The following DDAH1 variants were observed in gnomAD, a reference collection of about 807,000 sequenced individuals.
DDAH1 encodes N(G),N(G)-dimethylarginine dimethylaminohydrolase 1.
Under a neutral mutation model 28.8 loss-of-function variants are expected in DDAH1, and 19 were observed. That is an observed-to-expected ratio of 0.66 (90% CI 0.46 to 0.97). The LOEUF (loss-of-function observed/expected upper bound fraction) is 0.97. Ranked by LOEUF, DDAH1 falls within the 50% of genes least tolerant of loss-of-function variation. The probability of loss-of-function intolerance (pLI) is 0.00; values close to 1 mark genes in which losing one functional copy is unlikely to be tolerated. For missense variants in DDAH1, 326 were observed against 375.9 expected (o/e 0.87, Z 1.10); for synonymous variants, 153 against 154.4 (o/e 0.99, Z 0.07).
chr1:85,535,957 G>C (rs1280981269), intron 1 of DDAH1, among the ~76,000 whole-genome samples: 2 of 152,206 alleles, frequency 1.3e-5, no homozygotes, highest in African/African-American at 4.8e-5. Flanking sequence ...AATCATCAGG[G>C]AAGTCCAAAT....
chr1:85,327,465 C>T (rs1647479317), intron 4 of DDAH1, among the ~76,000 whole-genome samples: 1 of 152,186 alleles, frequency 6.6e-6, no homozygotes, highest in African/African-American at 2.4e-5. Flanking sequence ...CCTAGATCCC[C>T]TAGAGAGATA....
intron 1 of DDAH1, among the ~76,000 whole-genome samples, chr1:85,403,072 G>A (rs1344073134): frequency 6.6e-6 from 1 of 151,974 alleles, no homozygotes; most frequent in Non-Finnish European, 1.5e-5. Context: ...GCTGTGGACT[G>A]GGACTGTCCC....
At chr1:85,538,202 CA>C (rs1229959444) in intron 1 of DDAH1, among the ~76,000 whole-genome samples, 1 of 152,194 alleles carries the variant, frequency 6.6e-6, no homozygotes, top group Non-Finnish European at 1.5e-5. Flanking sequence ...ATAAGTTATG[CA>C]GGAACTTTCT....
chr1:85,370,966 G>T (rs1456736426), intron 1 of DDAH1, among the ~76,000 whole-genome samples: 1 of 152,156 alleles, frequency 6.6e-6, no homozygotes, highest in African/African-American at 2.4e-5. Flanking sequence ...AAATCTAAGA[G>T]ATATCAGAAG....
rs1008161288 is a variant in DDAH1, at chr1:85,402,727, G to A, written c.304-43880C>T. Among the ~76,000 whole-genome samples the A allele has an allele frequency of 6.4e-4, 97 of 152,030 alleles. 2 individuals carry two copies. Among genetic ancestry groups the A allele is most frequent in the Admixed American group, 6.4e-3 (97 of 15,258 alleles). On this transcript the variant is annotated intron_variant, in intron 1 of 5. Transcript: ENST00000284031. ...GATCGAGATGATCCTGGCCAACATG[G>A]TGAAACCCCGTCTCTACTAAAAATA...
intron 2 of DDAH1, among the ~76,000 whole-genome samples, chr1:85,354,995 G>A (rs1570422543): frequency 6.6e-6 from 1 of 151,926 alleles, no homozygotes; most frequent in African/African-American, 2.4e-5. Flanking sequence ...TGGTCCTTAG[G>A]AAAGATTAAT....
chr1:85,363,365 G>A (rs957590066), intron 1 of DDAH1, among the ~76,000 whole-genome samples: 8 of 152,216 alleles, frequency 5.3e-5, no homozygotes, highest in African/African-American at 1.9e-4. Flanking sequence ...GTTCTGCCAT[G>A]TGCTAGAAGC....
chr1:85,471,216 T>C (rs1170455194), intron 2 of DDAH1, among the ~76,000 whole-genome samples: 1 of 152,222 alleles, frequency 6.6e-6, no homozygotes, highest in East Asian at 1.9e-4. Context: ...TAGCTTCTGC[T>C]GGCGGCCCCT....
upstream of DDAH1, among the ~76,000 whole-genome samples, chr1:85,469,537 A>AATAG (rs536072711): frequency 3.3e-3 from 508 of 152,384 alleles, 1 homozygote; most frequent in African/African-American, 0.012. Flanking sequence ...ACTAGAGCCT[A>AATAG]ATAGATGCTC....
intron 1 of DDAH1, among the ~76,000 whole-genome samples, chr1:85,382,551 T>C (rs1651046811): frequency 6.6e-6 from 1 of 152,198 alleles, no homozygotes; most frequent in Non-Finnish European, 1.5e-5. Context: ...ACACACAGCA[T>C]TGTATGTTAT....
chr1:85,550,929 C>G (rs1344567981), intron 1 of DDAH1, among the ~76,000 whole-genome samples: 1 of 152,162 alleles, frequency 6.6e-6, no homozygotes, highest in Non-Finnish European at 1.5e-5. Context: ...AAAAGGAAAA[C>G]ATCTTCTCTA....
intron 1 of DDAH1, among the ~76,000 whole-genome samples, chr1:85,558,694 C>T (rs553689460): frequency 6.6e-6 from 1 of 151,792 alleles, no homozygotes; most frequent in South Asian, 2.1e-4. Context: ...AGTAATAATG[C>T]TAAAAGTAGT....
intron 4 of DDAH1, among the ~76,000 whole-genome samples, chr1:85,331,106 C>T (rs144927643): frequency 7.2e-5 from 11 of 152,342 alleles, no homozygotes; most frequent in African/African-American, 2.6e-4. Flanking sequence ...TGGGAACTGT[C>T]TGGCTTTCAG....
chr1:85,396,457 T>G (rs1485765087), intron 1 of DDAH1, among the ~76,000 whole-genome samples: 1 of 152,020 alleles, frequency 6.6e-6, no homozygotes, highest in Non-Finnish European at 1.5e-5. Flanking sequence ...CAGGAACTAA[T>G]AGAATGGAAA....
intron 1 of DDAH1, among the ~76,000 whole-genome samples, chr1:85,463,965 T>C (rs1381076437): frequency 6.6e-6 from 1 of 152,184 alleles, no homozygotes; most frequent in Admixed American, 6.5e-5. Flanking sequence ...TTCAAAGTAG[T>C]TACAACCCTT....
At chr1:85,348,643 C>T (rs985650734) in intron 4 of DDAH1, among the ~76,000 whole-genome samples, 4 of 152,232 alleles carry the variant, frequency 2.6e-5, no homozygotes, top group South Asian at 2.1e-4. Context: ...TCAAGACTCA[C>T]ATCTAGTCTC....
At chr1:85,374,345 C>A (rs1650541527) in intron 1 of DDAH1, among the ~76,000 whole-genome samples, 1 of 152,154 alleles carries the variant, frequency 6.6e-6, no homozygotes, top group South Asian at 2.1e-4. Context: ...TTTACAAACT[C>A]TGGCAGTGCA....
intron 2 of DDAH1, among the ~76,000 whole-genome samples, chr1:85,491,799 G>GT (rs1354169204): frequency 6.6e-6 from 1 of 152,116 alleles, no homozygotes; most frequent in East Asian, 1.9e-4. Context: ...TCTTTTGCTT[G>GT]TGTACTTTGT....
At chr1:85,337,634 A>G (rs1296128577) in intron 4 of DDAH1, among the ~76,000 whole-genome samples, 2 of 152,006 alleles carry the variant, frequency 1.3e-5, no homozygotes, top group Non-Finnish European at 2.9e-5. Context: ...TTGTATTTTT[A>G]GTAAAGATGG....
Sources: gnomAD v4.1 joint callset for allele counts (sites outside exome capture counted in the v4.1 genomes callset) on GRCh38, gnomAD v4.1.1 for gene constraint, MANE v1.5 for transcripts, NCBI Gene and HGNC (gene_info 2026-07-23, HGNC 2026-07-21) for gene names.